Variants in COBLL1 observed in about 807,000 individuals in gnomAD.
COBLL1 encodes cordon-bleu protein-like 1.
COBLL1 carries 50 observed loss-of-function variants against 94.8 expected under a neutral mutation model. That is an observed-to-expected ratio of 0.53 (90% CI 0.42 to 0.67). The LOEUF is 0.67. Among genes scored for constraint, COBLL1 ranks in the 30% least tolerant of loss-of-function variants. The probability of loss-of-function intolerance (pLI) is 0.00; values close to 1 mark genes in which losing one functional copy is unlikely to be tolerated. For synonymous variants in COBLL1, 448 were observed against 473.8 expected, an observed-to-expected ratio of 0.95 and a Z score of 0.71; for missense variants, 1,362 against 1,348.7, an observed-to-expected ratio of 1.01 and a Z score of -0.15.
chr2:164,734,419 G>C (rs1686186091), intron 3 of COBLL1, among the ~76,000 whole-genome samples: 1 of 152,158 alleles, frequency 6.6e-6, no homozygotes, highest in Non-Finnish European at 1.5e-5. Context: ...AAATCAGGGT[G>C]ATAATCTTGT....
chr2:164,722,029 A>G, intron 7 of COBLL1, 46 bp downstream of exon 7: 1 of 1,402,592 alleles, frequency 7.1e-7, no homozygotes, highest in Non-Finnish European at 9.8e-7. Flanking sequence ...AATAAATGGT[A>G]CACTGCCTCA....
chr2:164,808,373 T>G (rs1444471579), intron 2 of COBLL1, among the ~76,000 whole-genome samples: 2 of 152,202 alleles, frequency 1.3e-5, no homozygotes, highest in East Asian at 3.8e-4. Context: ...TGGTAAGGTT[T>G]ACAATTTTTG....
chr2:164,688,062 T>C lies in COBLL1; in HGVS notation c.3301-2030A>G, dbSNP rs1683399062. ...ATGTAATCTTTAAAAGAATAGTATA[T>C]GAATATATATATAAACAATTTTAAA... On this transcript the variant is annotated intron_variant, in intron 13 of 13. Coordinates refer to ENST00000652658, the MANE Select transcript of COBLL1 (RefSeq NM_001365672.2). Among the ~76,000 whole-genome samples the C allele has an allele frequency of 3.5e-5, 4 of 112,950 alleles. No individual in the cohort carries two copies. The South Asian group carries it at 9.0e-4, about 25-fold the overall frequency. 74.1% of individuals were successfully genotyped at this position (112,950 alleles called of 152,430 possible). A position where few individuals can be genotyped will look rare whatever the true frequency, so the allele number is the denominator to read the frequency against.
chr2:164,704,319 T>G (rs1345083622), intron 9 of COBLL1, 125 bp downstream of exon 9: 3 of 681,166 alleles, frequency 4.4e-6, no homozygotes, highest in Non-Finnish European at 5.2e-6. Context: ...TAATAAAAAT[T>G]TGGGAAATGA....
intron 1 of COBLL1, among the ~76,000 whole-genome samples, chr2:164,674,136 T>C (rs1396740781): frequency 1.3e-5 from 2 of 152,104 alleles, no homozygotes; most frequent in Non-Finnish European, 2.9e-5. Context: ...TCTTGGCTCA[T>C]TGCAACCTCC....
chr2:164,803,263 A>G (rs969003189), intron 2 of COBLL1, among the ~76,000 whole-genome samples: 13 of 152,186 alleles, frequency 8.5e-5, no homozygotes, highest in Non-Finnish European at 1.9e-4. Flanking sequence ...TTAATCATAC[A>G]AGATTTAAAA....
At chr2:164,744,111 C>A (rs375098929) in intron 2 of COBLL1, among the ~76,000 whole-genome samples, 54 of 152,154 alleles carry the variant, frequency 3.5e-4, no homozygotes, top group African/African-American at 1.2e-3. Context: ...TAAAAAGAAA[C>A]ATGATAAAGA....
intron 2 of COBLL1, among the ~76,000 whole-genome samples, chr2:164,787,458 TGTTA>T (rs1440045657): frequency 6.6e-6 from 1 of 151,044 alleles, no homozygotes; most frequent in African/African-American, 2.4e-5. Context: ...ATGATGAATA[TGTTA>T]ATTAACAGTG....
intron 2 of COBLL1, among the ~76,000 whole-genome samples, chr2:164,762,967 A>G (rs1402226633): frequency 2.0e-5 from 3 of 152,156 alleles, no homozygotes; most frequent in Non-Finnish European, 4.4e-5. Context: ...AAGTGCCAGG[A>G]TTACAGGCTA....
Position 164,738,644 on chromosome 2 carries a change from T to C in COBLL1, c.230+5043A>G, listed in dbSNP as rs893285475. Among the ~76,000 whole-genome samples the C allele has an allele frequency of 5.9e-5, 9 of 152,334 alleles. No individual in the cohort carries two copies. The Middle Eastern group carries it at 0.024, about 403-fold the overall frequency. ...AAAAGATGTTTATCGATTATATACA[T>C]GATACACAGACACACAGAAACAGGT... On this transcript the variant is annotated intron_variant, in intron 3 of 13. Transcript: ENST00000652658.
At chr2:164,741,405 T>C (rs1017145042) in intron 3 of COBLL1, among the ~76,000 whole-genome samples, 7 of 152,034 alleles carry the variant, frequency 4.6e-5, no homozygotes, top group African/African-American at 1.4e-4. Context: ...TAATTTGACA[T>C]TGAATTGCTG....
intron 2 of COBLL1, among the ~76,000 whole-genome samples, chr2:164,745,051 C>T (rs1422175173): frequency 1.3e-5 from 2 of 152,166 alleles, no homozygotes; most frequent in African/African-American, 4.8e-5. Context: ...CTCCTTTCCA[C>T]TCAGAAAAAT....
chr2:164,673,384 C>T (rs896677726), intron 1 of COBLL1, among the ~76,000 whole-genome samples: 14 of 151,994 alleles, frequency 9.2e-5, no homozygotes, highest in East Asian at 3.9e-4. Context: ...AGGCTGGGCG[C>T]GGTGGCTAGG....
chr2:164,755,865 T>C (rs985015029), intron 2 of COBLL1, among the ~76,000 whole-genome samples: 2 of 152,218 alleles, frequency 1.3e-5, no homozygotes, highest in African/African-American at 2.4e-5. Flanking sequence ...AAAAAATCAC[T>C]ATGCTGTGCA....
chr2:164,703,076 A>G, intron 9 of COBLL1: 1 of 1,353,062 alleles, frequency 7.4e-7, no homozygotes, highest in Non-Finnish European at 1.1e-6. Flanking sequence ...GACACAAAGC[A>G]CCAGCCAGGA....
intron 2 of COBLL1, among the ~76,000 whole-genome samples, chr2:164,756,628 T>G (rs1445374384): frequency 6.6e-6 from 1 of 152,158 alleles, no homozygotes; most frequent in Non-Finnish European, 1.5e-5. Flanking sequence ...TAACTTGGCC[T>G]TCACTGTTTT....
At chr2:164,823,096 T>C (rs913272144) in intron 2 of COBLL1, among the ~76,000 whole-genome samples, 12 of 152,182 alleles carry the variant, frequency 7.9e-5, no homozygotes, top group African/African-American at 2.9e-4. Context: ...ATTTGGACTT[T>C]CCTTATTTTA....
chr2:164,829,788 C>T (rs1314685305), intron 2 of COBLL1, among the ~76,000 whole-genome samples: 1 of 152,128 alleles, frequency 6.6e-6, no homozygotes. Flanking sequence ...AATTATAGAG[C>T]TTCAGATGCA....
Position 164,743,764 on chromosome 2 carries a change from T to G in COBLL1, c.153A>C (p.Glu51Asp), listed in dbSNP as rs1008433697. 1 of 1,613,438 alleles carries G rather than the reference T, an allele frequency of 6.2e-7. No homozygotes were observed. The highest frequency in any genetic ancestry group is 1.3e-5 in the African/African-American group (1 of 74,884). Reference sequence around the variant, plus strand: ...GTTCAACGTCTTTATCTATCATGTTTTCTTTCTGTTCCATGATGAAAGCAG... The same window carrying G: ...GTTCAACGTCTTTATCTATCATGTTGTCTTTCTGTTCCATGATGAAAGCAG... ...ESTAFIMEQK[E>D]NMIDKDVELS... is the part of the protein sequence containing the mutation. Residue 51 changes from glutamate (E) to aspartate (D), a missense_variant, in exon 3 of 14, where the codon GAA (glutamate) becomes GAC (aspartate). Physicochemically the swap from Glu to Asp is conservative, Grantham distance 45. Coordinates refer to ENST00000652658, the MANE Select transcript of COBLL1 (RefSeq NM_001365672.2).
Sources: allele counts gnomAD v4.1 joint callset (sites outside exome capture counted in the v4.1 genomes callset), GRCh38; gene constraint gnomAD v4.1.1; transcripts MANE v1.5; gene names NCBI Gene and HGNC (gene_info 2026-07-23, HGNC 2026-07-21).